SLC3A1: variants seen among roughly 807,000 people sequenced by gnomAD.
SLC3A1 encodes solute carrier family 3 member 1, also known as amino acid transporter heavy chain SLC3A1.
A neutral mutation model predicts 60.3 loss-of-function variants in SLC3A1; 78 were observed. The observed-to-expected ratio is 1.29, with a 90% CI of 1.08 to 1.56. SLC3A1 has a LOEUF of 1.56. Ranked by LOEUF, SLC3A1 falls within the 40% of genes most tolerant of loss-of-function variation. The pLI, the probability that SLC3A1 is intolerant of heterozygous loss-of-function variation, is 0.00. For missense variants in SLC3A1, 1,172 were observed against 858.9 expected (o/e 1.36, Z -4.56); for synonymous variants, 392 against 307.9 (o/e 1.27, Z -2.86).
chr2:44,299,286 G>A (rs1671939688), intron 4 of SLC3A1, among the ~76,000 whole-genome samples: 1 of 152,274 alleles, frequency 6.6e-6, no homozygotes, highest in East Asian at 1.9e-4. Context: ...TGATCCGCCT[G>A]CCTCGGCCTC....
chr2:44,321,148 T>G lies in SLC3A1; in HGVS notation c.*509T>G. On this transcript the variant is annotated 3_prime_UTR_variant, in exon 10 of 10. Coordinates refer to ENST00000260649, the MANE Select transcript of SLC3A1 (RefSeq NM_000341.4). The stretch of plus-strand genomic sequence containing the variant: ...TAAGGAGCATGATTTGAAAATTACT[T>G]TCCTAGGTTAATGGGCATGTGCATC... The G allele has an allele frequency of 1.8e-6, 1 of 542,470 alleles. No homozygotes were observed. The highest frequency in any genetic ancestry group is 3.3e-6 in the Non-Finnish European group (1 of 300,058). 33.6% of individuals were successfully genotyped at this position (542,470 alleles called of 1,614,324 possible). A position where few individuals can be genotyped will look rare whatever the true frequency, so the allele number is the denominator to read the frequency against.
rs761911704 is a variant in SLC3A1, at chr2:44,301,009, G to A, written c.1018G>A (p.Val340Ile). The A allele has an allele frequency of 1.2e-5, 20 of 1,614,048 alleles. No homozygotes were observed. The highest frequency in any genetic ancestry group is 1.4e-5 in the Non-Finnish European group (16 of 1,180,020). ...QVNKTQIPDT[V>I]TQYSELYHDF... ...GTCGTCCTGGTTTTCAAAGGACACG[G>A]TCACACAATACTCGGAGCTGTACCA... Residue 340 changes from valine (V) to isoleucine (I), a missense_variant, in exon 6 of 10, where the codon GTC becomes ATC. By Grantham distance (29) the Val-to-Ile change is conservative. Transcript: ENST00000260649.
At chr2:44,308,173 T>G (rs1209318638) in intron 7 of SLC3A1, among the ~76,000 whole-genome samples, 1 of 152,150 alleles carries the variant, frequency 6.6e-6, no homozygotes, top group African/African-American at 2.4e-5. Flanking sequence ...GAAAATCAGT[T>G]GATTAGATTT....
chr2:44,288,325 C>G (rs2104345865), intron 4 of SLC3A1, among the ~76,000 whole-genome samples: 1 of 152,170 alleles, frequency 6.6e-6, no homozygotes, highest in East Asian at 1.9e-4. Context: ...TGCACCTGGC[C>G]TAATTTCAGA....
intron 9 of SLC3A1, among the ~76,000 whole-genome samples, chr2:44,315,477 T>G (rs1282912346): frequency 6.9e-6 from 1 of 144,728 alleles, no homozygotes; most frequent in Non-Finnish European, 1.5e-5. Flanking sequence ...AGTGAGACCT[T>G]GTTTCTACCT....
rs368313859 is a variant in SLC3A1, at chr2:44,275,518, G to C, written c.-18G>C. On this transcript the variant is annotated 5_prime_UTR_variant, in exon 1 of 10. Transcript: ENST00000260649. ...CCTTACTGCAGGAAGGCACTCCGAA[G>C]ACATAAGTCGGTGAGACATGGCTGA... 23 of 1,611,622 alleles carry C rather than the reference G, an allele frequency of 1.4e-5. No homozygotes were observed. The highest frequency in any genetic ancestry group is 1.9e-5 in the Non-Finnish European group (22 of 1,178,630).
intron 6 of SLC3A1, 146 bp from the exon 7 acceptor site, chr2:44,303,997 T>G: frequency 1.4e-6 from 1 of 731,990 alleles, no homozygotes; most frequent in East Asian, 2.6e-5. Flanking sequence ...ACAGCTTGAT[T>G]ATGCTTTCTA....
intron 6 of SLC3A1, among the ~76,000 whole-genome samples, chr2:44,302,500 G>T (rs1270844739): frequency 6.6e-6 from 1 of 152,188 alleles, no homozygotes; most frequent in African/African-American, 2.4e-5. Context: ...GAGGCTCTGA[G>T]CATGTAAGTA....
intron 8 of SLC3A1, 144 bp downstream of exon 8, chr2:44,312,897 T>G: frequency 1.4e-6 from 1 of 694,580 alleles, no homozygotes; most frequent in Non-Finnish European, 2.5e-6. Flanking sequence ...TTACTGTTAG[T>G]AAGAATTCTC....
chr2:44,287,317 C>T (rs987708532), intron 4 of SLC3A1, among the ~76,000 whole-genome samples: 1 of 151,956 alleles, frequency 6.6e-6, no homozygotes, highest in Admixed American at 6.6e-5. Context: ...GGACAAAAAC[C>T]TGAAGTGAGA....
intron 9 of SLC3A1, chr2:44,319,880 A>C (rs1405419431): frequency 3.4e-6 from 1 of 292,342 alleles, no homozygotes; most frequent in African/African-American, 2.2e-5. Context: ...TGCAAGTTAA[A>C]TATTCATCTT....
chr2:44,306,588 T>A (rs1439618950), intron 7 of SLC3A1, among the ~76,000 whole-genome samples: 1 of 140,120 alleles, frequency 7.1e-6, no homozygotes, highest in Non-Finnish European at 1.5e-5. Flanking sequence ...GGAGTTTTGC[T>A]CGTTACCCAG....
chr2:44,279,117 G>A (rs6724939), intron 1 of SLC3A1, among the ~76,000 whole-genome samples: 8,143 of 151,746 alleles, frequency 0.054, 734 homozygotes, highest in African/African-American at 0.19. Flanking sequence ...TCCTGCCTCA[G>A]CCTCCCGAGT....
chr2:44,318,128 T>C (rs1428593275), intron 9 of SLC3A1: 2 of 444,512 alleles, frequency 4.5e-6, no homozygotes, highest in South Asian at 1.6e-5. Flanking sequence ...TCTTGCTCCG[T>C]CACCCATGCT....
In SLC3A1 at chr2:44,281,369, A is replaced by G. The variant is rs376258505; in HGVS notation, c.611-18A>G. The G allele has an allele frequency of 3.6e-5, 58 of 1,599,560 alleles. No homozygotes were observed. Among genetic ancestry groups the G allele is most frequent in the Non-Finnish European group, 4.8e-5 (56 of 1,168,732 alleles). ...ATACAATCTTTCCCTAGCATTTGAA[A>G]TGTCTTTTACTCATTAGGTTTAAAA... On this transcript the variant is annotated intron_variant, in intron 2 of 9. Coordinates refer to ENST00000260649, the MANE Select transcript of SLC3A1 (RefSeq NM_000341.4).
chr2:44,277,104 T>C (rs201245605), intron 1 of SLC3A1, among the ~76,000 whole-genome samples: 4 of 97,998 alleles, frequency 4.1e-5, no homozygotes, highest in African/African-American at 7.6e-5. Context: ...CTCTCTCTTC[T>C]TTTTTTTTTT....
intron 1 of SLC3A1, among the ~76,000 whole-genome samples, chr2:44,277,300 G>T (rs1283705241): frequency 2.6e-5 from 4 of 151,704 alleles, no homozygotes; most frequent in Non-Finnish European, 1.5e-5. Flanking sequence ...AGAGACGAGG[G>T]TTCTCCATGT....
rs202141482 is a variant in SLC3A1, at chr2:44,301,895, A to ACT, written c.1136+769_1136+770dup. On this transcript the variant is annotated intron_variant, in intron 6 of 9. Coordinates refer to ENST00000260649, the MANE Select transcript of SLC3A1 (RefSeq NM_000341.4). ...GGCAACATGGCGAAACCCCTCCTCT[A>ACT]CTAGAACTACAAAAATGGGCAAGGT... Among the ~76,000 whole-genome samples the ACT allele has an allele frequency of 7.3e-3, 1,103 of 151,956 alleles. 17 individuals are homozygous for ACT. The highest frequency in any genetic ancestry group is 0.026 in the African/African-American group (1,060 of 41,416).
chr2:44,277,799 C>T (rs1411122728), intron 1 of SLC3A1, among the ~76,000 whole-genome samples: 1 of 152,168 alleles, frequency 6.6e-6, no homozygotes, highest in African/African-American at 2.4e-5. Context: ...CTAATCAGCT[C>T]TGATGTTTGT....
Sources: allele counts gnomAD v4.1 joint callset (sites outside exome capture counted in the v4.1 genomes callset), GRCh38; gene constraint gnomAD v4.1.1; transcripts MANE v1.5; gene names NCBI Gene and HGNC (gene_info 2026-07-23, HGNC 2026-07-21).